SHISA6: variants seen among roughly 807,000 people sequenced by gnomAD.
SHISA6 encodes the protein protein shisa-6.
SHISA6 carries 22 observed loss-of-function variants against 47.9 expected under a neutral mutation model. That is an observed-to-expected ratio of 0.46 (90% CI 0.33 to 0.66). The LOEUF (loss-of-function observed/expected upper bound fraction) is 0.66. Among genes scored for constraint, SHISA6 ranks in the 30% least tolerant of loss-of-function variants. The pLI is 0.02. For missense variants in SHISA6, 680 were observed against 764.6 expected, an observed-to-expected ratio of 0.89 and a Z score of 1.30; for synonymous variants, 388 against 337.8, an observed-to-expected ratio of 1.15 and a Z score of -1.63.
chr17:11,338,209 T>G (rs1255825936), intron 2 of SHISA6, among the ~76,000 whole-genome samples: 3 of 152,310 alleles, frequency 2.0e-5, no homozygotes, highest in Non-Finnish European at 1.5e-5. Flanking sequence ...GAGTTTGGCA[T>G]GCATCTGCTT....
At chr17:11,479,273 T>C (rs933673942) in intron 3 of SHISA6, among the ~76,000 whole-genome samples, 1 of 152,114 alleles carries the variant, frequency 6.6e-6, no homozygotes, top group Non-Finnish European at 1.5e-5. Flanking sequence ...TATAATACTA[T>C]GAAGCCATAA....
At chr17:11,531,403 A>G (rs544268776) in intron 3 of SHISA6, among the ~76,000 whole-genome samples, 45 of 152,128 alleles carry the variant, frequency 3.0e-4, no homozygotes, top group Non-Finnish European at 5.7e-4. Flanking sequence ...GGTTTTCCAC[A>G]GTCTTGGAAT....
chr17:11,272,430 G>T (rs542517030), intron 2 of SHISA6, among the ~76,000 whole-genome samples: 4 of 152,174 alleles, frequency 2.6e-5, no homozygotes, highest in Non-Finnish European at 5.9e-5. Context: ...CGTCCTTGCA[G>T]AGAGGCAGTG....
At chr17:11,352,004 G>A (rs1213811256) in intron 2 of SHISA6, among the ~76,000 whole-genome samples, 2 of 152,152 alleles carry the variant, frequency 1.3e-5, no homozygotes, top group African/African-American at 2.4e-5. Flanking sequence ...TGAGATATTG[G>A]TATGGAGATA....
chr17:11,545,581 T>A (rs1332600215), intron 3 of SHISA6, among the ~76,000 whole-genome samples: 1 of 152,242 alleles, frequency 6.6e-6, no homozygotes, highest in East Asian at 1.9e-4. Context: ...TATAGTTGCA[T>A]GTGAGACTAT....
At chr17:11,364,205 T>C (rs192983923) in intron 2 of SHISA6, among the ~76,000 whole-genome samples, 47 of 152,270 alleles carry the variant, frequency 3.1e-4, no homozygotes, top group Admixed American at 3.0e-3. Flanking sequence ...ATCTCCCCCT[T>C]ATCCAGCACC....
intron 3 of SHISA6, among the ~76,000 whole-genome samples, chr17:11,442,841 G>A (rs1915127210): frequency 6.6e-6 from 1 of 152,166 alleles, no homozygotes; most frequent in African/African-American, 2.4e-5. Context: ...GACTGGGCTG[G>A]CCTTGGGCGT....
chr17:11,510,101 T>A (rs542640156), intron 3 of SHISA6, among the ~76,000 whole-genome samples: 6 of 151,940 alleles, frequency 3.9e-5, no homozygotes, highest in Non-Finnish European at 7.4e-5. Context: ...AGTAACTTGG[T>A]ATTGTCCCTT....
intron 2 of SHISA6, among the ~76,000 whole-genome samples, chr17:11,300,169 A>T (rs1909876925): frequency 6.7e-6 from 1 of 149,118 alleles, no homozygotes; most frequent in Non-Finnish European, 1.5e-5. Context: ...AAAAAAAGAA[A>T]AACAAGAAAA....
intron 3 of SHISA6, among the ~76,000 whole-genome samples, chr17:11,475,492 TG>T (rs1916029535): frequency 6.6e-6 from 1 of 152,100 alleles, no homozygotes; most frequent in East Asian, 1.9e-4. Context: ...ATCATGAATG[TG>T]TTTTTGATTT....
chr17:11,333,955 A>G (rs1030454672), intron 2 of SHISA6, among the ~76,000 whole-genome samples: 1 of 152,208 alleles, frequency 6.6e-6, no homozygotes, highest in Non-Finnish European at 1.5e-5. Flanking sequence ...CAGAGAGGGC[A>G]CAGAAGCTCC....
At chr17:11,242,959 T>C (rs879511751) in intron 1 of SHISA6, among the ~76,000 whole-genome samples, 2 of 152,104 alleles carry the variant, frequency 1.3e-5, no homozygotes, top group South Asian at 2.1e-4. Flanking sequence ...ACCCAGAGGA[T>C]GCAGAGTTAG....
chr17:11,335,121 G>A (rs1911274455), intron 2 of SHISA6, among the ~76,000 whole-genome samples: 1 of 152,208 alleles, frequency 6.6e-6, no homozygotes, highest in African/African-American at 2.4e-5. Flanking sequence ...TTATAACTCA[G>A]GGATACAGAG....
At chr17:11,257,787 A>G (rs554043677) in intron 1 of SHISA6, among the ~76,000 whole-genome samples, 54 of 152,364 alleles carry the variant, frequency 3.5e-4, no homozygotes, top group African/African-American at 7.0e-4. Flanking sequence ...GGAATAAAGT[A>G]TCTACATTCT....
intron 2 of SHISA6, among the ~76,000 whole-genome samples, chr17:11,311,489 C>T (rs1183547821): frequency 1.3e-5 from 2 of 152,112 alleles, no homozygotes; most frequent in Non-Finnish European, 2.9e-5. Flanking sequence ...TAACACAATA[C>T]TAGTCCAATG....
intron 3 of SHISA6, among the ~76,000 whole-genome samples, chr17:11,458,829 G>A (rs1020073189): frequency 2.6e-5 from 4 of 152,102 alleles, no homozygotes; most frequent in Middle Eastern, 3.2e-3. Flanking sequence ...TCTGGGTCCC[G>A]ATGTCTCACT....
intron 1 of SHISA6, among the ~76,000 whole-genome samples, chr17:11,258,880 CAGGGA>C (rs1908119806): frequency 6.6e-6 from 1 of 152,162 alleles, no homozygotes; most frequent in Non-Finnish European, 1.5e-5. Flanking sequence ...ATCTTGTGTT[CAGGGA>C]CCATTACAGG....
intron 2 of SHISA6, among the ~76,000 whole-genome samples, chr17:11,378,851 TAGTCCCA>T (rs1451595139): frequency 1.3e-5 from 2 of 152,196 alleles, no homozygotes; most frequent in Non-Finnish European, 2.9e-5. Context: ...TCACGAGCTG[TAGTCCCA>T]CAGGTTGTGG....
intron 2 of SHISA6, 113 bp downstream of exon 2, chr17:11,263,639 A>C: frequency 1.2e-5 from 16 of 1,334,862 alleles, no homozygotes; most frequent in Non-Finnish European, 1.6e-5. Context: ...AGGGACTCTC[A>C]TGGACAGGCA....
Sources: gnomAD v4.1 joint callset for allele counts (sites outside exome capture counted in the v4.1 genomes callset) on GRCh38, gnomAD v4.1.1 for gene constraint, MANE v1.5 for transcripts, NCBI Gene and HGNC (gene_info 2026-07-23, HGNC 2026-07-21) for gene names.